Variants in FBLN7 observed in about 807,000 individuals in gnomAD.
FBLN7 encodes the protein fibulin 7.
Under a neutral mutation model 44.0 loss-of-function variants are expected in FBLN7, and 31 were observed. The observed-to-expected ratio is 0.70, with a 90% confidence interval of 0.53 to 0.95. The LOEUF (loss-of-function observed/expected upper bound fraction) is 0.95. FBLN7 is among the 40% of genes least tolerant of loss of function. The probability of loss-of-function intolerance (pLI) is 0.00; values close to 1 mark genes in which losing one functional copy is unlikely to be tolerated. For synonymous variants in FBLN7, 262 were observed against 253.4 expected, an observed-to-expected ratio of 1.03 and a Z score of -0.32; for missense variants, 573 against 618.5, an observed-to-expected ratio of 0.93 and a Z score of 0.78.
intron 2 of FBLN7, among the ~76,000 whole-genome samples, chr2:112,160,754 ACACACGCACG>A (rs1553475006): frequency 1.1e-5 from 1 of 87,750 alleles, no homozygotes; most frequent in Non-Finnish European, 2.4e-5. Flanking sequence ...ACGCGCACGC[ACACACGCACG>A]CACACGCAGA....
Position 112,143,914 on chromosome 2 carries a change from A to C in FBLN7, c.75+5184A>C, listed in dbSNP as rs144589962. On this transcript the variant is annotated intron_variant, in intron 1 of 7. Transcript: ENST00000331203. ...ATGTCATATAAATGGAAAAGAGTAC[A>C]TGGCCTTTTGGGTTTAGTTTCTTTA... Among the ~76,000 whole-genome samples the C allele has an allele frequency of 6.6e-3, 1,008 of 152,268 alleles. 16 individuals carry two copies. Among genetic ancestry groups the C allele is most frequent in the African/African-American group, 0.023 (951 of 41,544 alleles).
At chr2:112,170,790 A>C (rs1682418948) in intron 3 of FBLN7, among the ~76,000 whole-genome samples, 1 of 152,244 alleles carries the variant, frequency 6.6e-6, no homozygotes, top group Non-Finnish European at 1.5e-5. Context: ...TGCATAGAGA[A>C]TGCATTGGAG....
chr2:112,195,463 C>A, the FBLN7 span, among the ~76,000 whole-genome samples: 3 of 152,118 alleles, frequency 2.0e-5, no homozygotes, highest in African/African-American at 7.2e-5. Flanking sequence ...TCCACCTGAC[C>A]CAGGCAAACC....
chr2:112,171,739 T>C (rs1231937592), intron 3 of FBLN7, among the ~76,000 whole-genome samples: 1 of 152,206 alleles, frequency 6.6e-6, no homozygotes, highest in Non-Finnish European at 1.5e-5. Context: ...ACCTCTTCTT[T>C]CTAAATGTAA....
chr2:112,165,287 T>G, intron 3 of FBLN7, 116 bp downstream of exon 3: 1 of 1,313,640 alleles, frequency 7.6e-7, no homozygotes, highest in Non-Finnish European at 1.0e-6. Context: ...TAATCATTCC[T>G]CAACCACAGA....
intron 1 of FBLN7, among the ~76,000 whole-genome samples, chr2:112,148,003 C>T (rs1178893550): frequency 2.0e-5 from 3 of 152,238 alleles, no homozygotes; most frequent in South Asian, 2.1e-4. Context: ...ACTCACTGCC[C>T]GCCAGCTCTC....
intron 6 of FBLN7, among the ~76,000 whole-genome samples, chr2:112,184,893 T>G (rs1683192238): frequency 6.6e-6 from 1 of 151,220 alleles, no homozygotes; most frequent in South Asian, 2.1e-4. Flanking sequence ...ATGGGGCACT[T>G]GGGCTGAGAA....
intron 4 of FBLN7, chr2:112,177,100 T>A (rs1682772941): frequency 6.6e-6 from 1 of 152,188 alleles, no homozygotes; most frequent in Non-Finnish European, 1.5e-5. Flanking sequence ...CACTCCTGCC[T>A]AATATTTGTA....
chr2:112,237,470 T>G, the FBLN7 span, among the ~76,000 whole-genome samples: 1 of 152,176 alleles, frequency 6.6e-6, no homozygotes, highest in Non-Finnish European at 1.5e-5. Context: ...CCATCTATCC[T>G]GCAATGGCAT....
the FBLN7 span, chr2:112,231,765 C>A: frequency 1.1e-6 from 1 of 927,668 alleles, no homozygotes; most frequent in South Asian, 2.1e-5. Flanking sequence ...TAATTATCTT[C>A]AAATTCTCAT....
At chr2:112,235,582 C>T in the FBLN7 span, among the ~76,000 whole-genome samples, 1 of 151,994 alleles carries the variant, frequency 6.6e-6, no homozygotes, top group South Asian at 2.1e-4. Flanking sequence ...AATATTTTAC[C>T]ACCCCTTACC....
intron 7 of FBLN7, among the ~76,000 whole-genome samples, chr2:112,186,267 A>G (rs1194691726): frequency 6.6e-6 from 1 of 152,176 alleles, no homozygotes; most frequent in Non-Finnish European, 1.5e-5. Flanking sequence ...GTCTTTTAAC[A>G]ACATAGAGAA....
At chr2:112,173,071 A>G (rs1387922505) in intron 3 of FBLN7, among the ~76,000 whole-genome samples, 1 of 152,238 alleles carries the variant, frequency 6.6e-6, no homozygotes, top group African/African-American at 2.4e-5. Flanking sequence ...CACAACAAGG[A>G]AAATAGGTGC....
chr2:112,184,956 C>T (rs1443797244), intron 6 of FBLN7, among the ~76,000 whole-genome samples: 2 of 151,798 alleles, frequency 1.3e-5, no homozygotes, highest in African/African-American at 2.4e-5. Flanking sequence ...CTGGTGCTTT[C>T]CACCATCCTT....
chr2:112,234,235 T>A, the FBLN7 span: 1 of 1,588,752 alleles, frequency 6.3e-7, no homozygotes, highest in Non-Finnish European at 8.5e-7. Context: ...AGGTTTACCA[T>A]CCTTTAAAAA....
At chr2:112,182,262 C>G (rs1683040732) in intron 5 of FBLN7, among the ~76,000 whole-genome samples, 1 of 152,152 alleles carries the variant, frequency 6.6e-6, no homozygotes. Flanking sequence ...ATTCCTTGGT[C>G]CCCTCTGGGC....
intron 1 of FBLN7, among the ~76,000 whole-genome samples, chr2:112,153,582 G>C (rs1035723820): frequency 1.3e-5 from 2 of 152,208 alleles, no homozygotes; most frequent in Non-Finnish European, 2.9e-5. Context: ...GTTGCCTTCA[G>C]AGCAGGTTCG....
At chr2:112,240,172 T>C in the FBLN7 span, among the ~76,000 whole-genome samples, 62 of 152,336 alleles carry the variant, frequency 4.1e-4, no homozygotes, top group South Asian at 0.011. Context: ...TCTGGACTGA[T>C]AGATCAGGGG....
the FBLN7 span, among the ~76,000 whole-genome samples, chr2:112,197,312 G>C: frequency 1.3e-4 from 20 of 150,026 alleles, no homozygotes; most frequent in Admixed American, 5.3e-4. Context: ...GAGAGACAGA[G>C]AGAGAAACAT....
Sources: gnomAD v4.1 joint callset for allele counts (sites outside exome capture counted in the v4.1 genomes callset) on GRCh38, gnomAD v4.1.1 for gene constraint, MANE v1.5 for transcripts, NCBI Gene and HGNC (gene_info 2026-07-23, HGNC 2026-07-21) for gene names.